The following TMEM132D variants were observed in gnomAD, a reference collection of about 807,000 sequenced individuals.
TMEM132D encodes mature OL transmembrane protein.
A neutral mutation model predicts 62.3 loss-of-function variants in TMEM132D; 21 were observed. The ratio of observed to expected loss-of-function variants is 0.34; its 90% CI spans 0.24 to 0.49. The LOEUF is 0.49. Among genes scored for constraint, TMEM132D ranks in the 20% least tolerant of loss-of-function variants. The pLI, the probability that TMEM132D is intolerant of heterozygous loss-of-function variation, is 0.99. For missense variants in TMEM132D, 1,346 were observed against 1,402.8 expected, an observed-to-expected ratio of 0.96 and a Z score of 0.65; for synonymous variants, 621 against 575.6, an observed-to-expected ratio of 1.08 and a Z score of -1.13.
chr12:129,298,420 G>C (rs1317327516), intron 4 of TMEM132D, among the ~76,000 whole-genome samples: 1 of 152,310 alleles, frequency 6.6e-6, no homozygotes, highest in African/African-American at 2.4e-5. Flanking sequence ...AAACCAGAGT[G>C]TTTAAGCATA....
chr12:129,711,889 T>C lies in TMEM132D; in HGVS notation c.80-11191A>G, dbSNP rs146663959. ...AAAATAGGACTATAACAGGTAAAAGTTGATAGTGTCCTTTGGATCAAAGTC... is the reference window on the plus strand; with the variant it reads ...AAAATAGGACTATAACAGGTAAAAGCTGATAGTGTCCTTTGGATCAAAGTC... On this transcript the variant is annotated intron_variant, in intron 1 of 8. Transcript: ENST00000422113. Among the ~76,000 whole-genome samples the C allele has an allele frequency of 3.6e-3, 544 of 150,974 alleles. 2 individuals carry two copies. Among genetic ancestry groups the C allele is most frequent in the African/African-American group, 0.013 (524 of 41,220 alleles).
intron 5 of TMEM132D, among the ~76,000 whole-genome samples, chr12:129,131,916 A>G (rs1876386633): frequency 6.6e-6 from 1 of 152,208 alleles, no homozygotes; most frequent in African/African-American, 2.4e-5. Context: ...CCAAACTTTT[A>G]TAGGAGACCA....
intron 1 of TMEM132D, among the ~76,000 whole-genome samples, chr12:129,792,007 G>C (rs1244527135): frequency 2.0e-5 from 3 of 152,176 alleles, no homozygotes; most frequent in Admixed American, 6.5e-5. Flanking sequence ...TCTCAAGGGT[G>C]ACGTTGTGAG....
At chr12:129,640,711 C>A (rs1320707712) in intron 2 of TMEM132D, among the ~76,000 whole-genome samples, 2 of 152,284 alleles carry the variant, frequency 1.3e-5, no homozygotes, top group East Asian at 3.9e-4. Context: ...CCCCCAGGAC[C>A]AGTACCAGTC....
intron 1 of TMEM132D, among the ~76,000 whole-genome samples, chr12:129,723,338 T>C (rs558598028): frequency 2.6e-5 from 4 of 152,272 alleles, no homozygotes; most frequent in Non-Finnish European, 5.9e-5. Flanking sequence ...TCAGTGACCA[T>C]GTTGGTAGCT....
At chr12:129,772,164 T>C (rs137923366) in intron 1 of TMEM132D, among the ~76,000 whole-genome samples, 9 of 152,316 alleles carry the variant, frequency 5.9e-5, no homozygotes, top group African/African-American at 2.2e-4. Context: ...ACTATTGACC[T>C]GTCTCATTTT....
At chr12:129,602,381 G>C (rs1204283830) in intron 2 of TMEM132D, among the ~76,000 whole-genome samples, 1 of 151,922 alleles carries the variant, frequency 6.6e-6, no homozygotes, top group African/African-American at 2.4e-5. Context: ...TCCTAAAGCA[G>C]ATAGAAATGT....
chr12:129,314,254 A>C (rs2135637786), intron 4 of TMEM132D, among the ~76,000 whole-genome samples: 1 of 152,342 alleles, frequency 6.6e-6, no homozygotes, highest in Non-Finnish European at 1.5e-5. Flanking sequence ...TTCAGGTCTT[A>C]GGTTTAAGTC....
intron 2 of TMEM132D, among the ~76,000 whole-genome samples, chr12:129,625,083 T>A (rs1457778719): frequency 1.3e-5 from 2 of 152,230 alleles, no homozygotes; most frequent in Non-Finnish European, 1.5e-5. Context: ...GTGCAGGTAA[T>A]TTTCCATGTG....
At chr12:129,222,435 T>G (rs532482707) in intron 4 of TMEM132D, among the ~76,000 whole-genome samples, 2 of 152,352 alleles carry the variant, frequency 1.3e-5, no homozygotes, top group Non-Finnish European at 2.9e-5. Flanking sequence ...CTCTTCTATG[T>G]TATAAAGGTC....
intron 3 of TMEM132D, among the ~76,000 whole-genome samples, chr12:129,519,665 G>T (rs1337028839): frequency 6.6e-6 from 1 of 151,070 alleles, no homozygotes; most frequent in Non-Finnish European, 1.5e-5. Flanking sequence ...CTGGAGTCCA[G>T]TGGTGCAATC....
chr12:129,734,826 A>C (rs1266623025), intron 1 of TMEM132D, among the ~76,000 whole-genome samples: 1 of 152,190 alleles, frequency 6.6e-6, no homozygotes, highest in African/African-American at 2.4e-5. Flanking sequence ...AAGCATCCCT[A>C]AATTAAATTT....
At chr12:129,556,913 A>AAATTTATTTT (rs1333032210) in intron 2 of TMEM132D, among the ~76,000 whole-genome samples, 2 of 152,198 alleles carry the variant, frequency 1.3e-5, no homozygotes, top group African/African-American at 4.8e-5. Flanking sequence ...TTGTATCCCC[A>AAATTTATTTT]GGCACATTTT....
chr12:129,620,659 A>G (rs771448351), intron 2 of TMEM132D, among the ~76,000 whole-genome samples: 3 of 152,176 alleles, frequency 2.0e-5, no homozygotes, highest in Non-Finnish European at 4.4e-5. Flanking sequence ...GAACAAGATC[A>G]TGTCCTTTGC....
In TMEM132D at chr12:129,831,890, A is replaced by G. The variant is rs1872848275; in HGVS notation, c.79+71371T>C. Among the ~76,000 whole-genome samples, 5 of 53,948 alleles carry G rather than the reference A, an allele frequency of 9.3e-5. No individual in the cohort carries two copies. In the South Asian group the frequency reaches 3.3e-3, roughly 36 times the overall value. 35.4% of individuals were successfully genotyped at this position (53,948 alleles called of 152,430 possible). On this transcript the variant is annotated intron_variant, in intron 1 of 8. Coordinates refer to ENST00000422113, the MANE Select transcript of TMEM132D (RefSeq NM_133448.3). ...TCTTTCTTTTTCTTTTTTTTTTTTG[A>G]GACTGAGTCTTGCTCTGTTGGCAGG... is the stretch of plus-strand genomic sequence containing the variant.
chr12:129,192,942 G>A (rs1565993309), intron 5 of TMEM132D, among the ~76,000 whole-genome samples: 2 of 152,150 alleles, frequency 1.3e-5, no homozygotes, highest in South Asian at 2.1e-4. Context: ...AGGCCGAGGC[G>A]GGCGGATCAC....
chr12:129,744,528 T>A (rs1320928293), intron 1 of TMEM132D, among the ~76,000 whole-genome samples: 1 of 152,186 alleles, frequency 6.6e-6, no homozygotes, highest in African/African-American at 2.4e-5. Context: ...TTTGCAGCCC[T>A]GCCAATATCA....
Position 129,903,174 on chromosome 12 carries a change from C to T in TMEM132D, c.79+87G>A, listed in dbSNP as rs1361640532. The T allele has an allele frequency of 4.3e-6, 6 of 1,400,010 alleles. No homozygotes were observed. Among genetic ancestry groups the T allele is most frequent in the Non-Finnish European group, 5.9e-6 (6 of 1,015,564 alleles). The allele number at this position is 1,400,010 out of a possible 1,614,324, so 86.7% of individuals were successfully genotyped here. A position where few individuals can be genotyped will look rare whatever the true frequency, so the allele number is the denominator to read the frequency against. Reference sequence around the variant, plus strand: ...ACACACTTGCACACGAGCCCTCTCTCCCGGCCGCCCCCATCCTCCACACAC... The same window carrying T: ...ACACACTTGCACACGAGCCCTCTCTTCCGGCCGCCCCCATCCTCCACACAC... On this transcript the variant is annotated intron_variant, in intron 1 of 8. Coordinates refer to ENST00000422113, the MANE Select transcript of TMEM132D (RefSeq NM_133448.3). This position sits in a 1 kb window ranked among gnomAD's most constrained non-coding sequence, Gnocchi z 6.2.
chr12:129,721,278 C>G (rs574644540), intron 1 of TMEM132D, among the ~76,000 whole-genome samples: 1 of 152,140 alleles, frequency 6.6e-6, no homozygotes, highest in South Asian at 2.1e-4. Context: ...TCATCAGATC[C>G]ACGTCCAGGA....
Sources: gnomAD v4.1 joint callset for allele counts (sites outside exome capture counted in the v4.1 genomes callset) on GRCh38, gnomAD v4.1.1 for gene constraint, Gnocchi (gnomAD v3.1) non-coding constraint, MANE v1.5 for transcripts, NCBI Gene and HGNC (gene_info 2026-07-23, HGNC 2026-07-21) for gene names.